The following DNTTIP2 variants were observed in gnomAD, a reference collection of about 807,000 sequenced individuals.
DNTTIP2 encodes the protein deoxynucleotidyltransferase terminal interacting protein 2.
DNTTIP2 carries 47 observed loss-of-function variants against 62.4 expected under a neutral mutation model. The ratio of observed to expected loss-of-function variants is 0.75; its 90% CI spans 0.60 to 0.96. The LOEUF (loss-of-function observed/expected upper bound fraction) is 0.96, where lower values mean the gene tolerates loss of function less well. Among genes scored for constraint, DNTTIP2 ranks in the 40% least tolerant of loss-of-function variants. DNTTIP2 has a pLI of 0.00. For missense variants in DNTTIP2, 870 were observed against 849.1 expected (o/e 1.02, Z -0.31); for synonymous variants, 322 against 300.9 (o/e 1.07, Z -0.73).
Position 93,877,673 on chromosome 1 carries a change from A to G in DNTTIP2, c.262T>C (p.Ser88Pro), listed in dbSNP as rs1333421108. ...GTEPSTDGET[S>P]EAESNYSVSE... is the part of the protein sequence containing the mutation. ...ACAGAATAATTTGACTCTGCCTCAGAGGTTTCTCCATCCGTAGATGGTTCA... is the reference window on the plus strand; with the variant it reads ...ACAGAATAATTTGACTCTGCCTCAGGGGTTTCTCCATCCGTAGATGGTTCA... Residue 88 changes from serine to proline, a missense_variant, in exon 2 of 7, where the codon TCT becomes CCT. Physicochemically the swap from Ser to Pro is moderately conservative, Grantham distance 74. Transcript: ENST00000436063. 1 of 1,613,818 alleles carries G rather than the reference A, an allele frequency of 6.2e-7. No homozygotes were observed. The highest frequency in any genetic ancestry group is 1.7e-5 in the Admixed American group (1 of 59,992).
intron 3 of DNTTIP2, among the ~76,000 whole-genome samples, chr1:93,874,489 C>T (rs1487621816): frequency 6.6e-6 from 1 of 152,122 alleles, no homozygotes; most frequent in Non-Finnish European, 1.5e-5. Flanking sequence ...GTAAAATATT[C>T]CCCAAGGGCA....
At chr1:93,878,283 G>A (rs1440448957) in intron 1 of DNTTIP2, among the ~76,000 whole-genome samples, 3 of 152,094 alleles carry the variant, frequency 2.0e-5, no homozygotes, top group Non-Finnish European at 4.4e-5. Flanking sequence ...TAGCCTGGGC[G>A]ACAGAGCAAG....
intron 3 of DNTTIP2, 187 bp from the exon 4 acceptor site, chr1:93,873,401 G>T (rs1571183522): frequency 4.7e-6 from 2 of 425,104 alleles, no homozygotes; most frequent in Non-Finnish European, 8.4e-6. Context: ...AGACCACCTT[G>T]GTCAACATAG....
intron 4 of DNTTIP2, among the ~76,000 whole-genome samples, chr1:93,872,471 C>G (rs1054385400): frequency 2.0e-5 from 3 of 152,188 alleles, no homozygotes; most frequent in Non-Finnish European, 2.9e-5. Context: ...TCCGTAAAAT[C>G]TATTTTCTGT....
At chr1:93,870,460 C>T (rs1334437679) in intron 6 of DNTTIP2, among the ~76,000 whole-genome samples, 3 of 151,934 alleles carry the variant, frequency 2.0e-5, no homozygotes, top group African/African-American at 7.2e-5. Flanking sequence ...CCAGGGGCTA[C>T]GTGATGTATG....
Position 93,878,033 on chromosome 1 carries a change from G to A in DNTTIP2, c.73-171C>T, listed in dbSNP as rs540090882. The A allele has an allele frequency of 4.3e-4, 454 of 1,052,270 alleles. 1 individual carries two copies. In the African/African-American group the frequency reaches 6.8e-3, roughly 16 times the overall value. 65.2% of individuals were successfully genotyped at this position (1,052,270 alleles called of 1,614,324 possible). Reference sequence around the variant, plus strand: ...TTAAAAAATCAAAATTTGGCCGGGCGCGGTGGCTTACGGCTGTAATCCCAG... The same window carrying A: ...TTAAAAAATCAAAATTTGGCCGGGCACGGTGGCTTACGGCTGTAATCCCAG... On this transcript the variant is annotated intron_variant, in intron 1 of 6. Transcript: ENST00000436063.
At position 93,869,732 on chromosome 1, in the gene DNTTIP2, C is replaced by A. The variant is rs1316128043; in HGVS notation, c.*119G>T. 1.6e-6 allele frequency: 1 copy of A among 607,968 alleles called. No homozygotes were observed. The highest frequency in any genetic ancestry group is 3.0e-6 in the Non-Finnish European group (1 of 332,514). 37.7% of individuals were successfully genotyped at this position (607,968 alleles called of 1,614,324 possible). ...AATCAACTTTTTCCAAATACAAATT[C>A]CTGTATGAACAGGGCCAGTCTATGG... On this transcript the variant is annotated 3_prime_UTR_variant, in exon 7 of 7. Transcript: ENST00000436063.
chr1:93,868,647 C>T lies in DNTTIP2; in HGVS notation c.*1204G>A, dbSNP rs983335834. The T allele has an allele frequency of 2.0e-5, 3 of 152,196 alleles. No individual in the cohort carries two copies. The highest frequency in any genetic ancestry group is 7.2e-5 in the African/African-American group (3 of 41,438). 9.4% of individuals were successfully genotyped at this position (152,196 alleles called of 1,614,324 possible). A position where few individuals can be genotyped will look rare whatever the true frequency, so the allele number is the denominator to read the frequency against. ...ATAAAGAAAATGTGGCACATATACA[C>T]CATGGAATACTATGTGGCCATAAAA... is the stretch of plus-strand genomic sequence containing the variant. On this transcript the variant is annotated 3_prime_UTR_variant, in exon 7 of 7. Coordinates refer to ENST00000436063, the MANE Select transcript of DNTTIP2 (RefSeq NM_014597.5).
At chr1:93,873,261 TAA>T (rs763708620) in intron 3 of DNTTIP2, 47 bp from the exon 4 acceptor site, 9 of 1,446,886 alleles carry the variant, frequency 6.2e-6, no homozygotes, top group Non-Finnish European at 7.7e-6. Flanking sequence ...GAATGTTATA[TAA>T]GTTTTTCAAC....
chr1:93,877,807 G>A lies in DNTTIP2; in HGVS notation c.128C>T (p.Ala43Val), dbSNP rs1338854353. ...GGTCTGTGATTCAGCAGTAGTTCGG[G>A]CATCAGATCCAGTACTACTTTCTGG... ...AHPESSTGSD[A>V]RTTAESQTTG... Residue 43 changes from alanine (A) to valine (V), a missense_variant, in exon 2 of 7, where the codon GCC becomes GTC. Coordinates refer to ENST00000436063, the MANE Select transcript of DNTTIP2 (RefSeq NM_014597.5). The A allele has an allele frequency of 6.2e-7, 1 of 1,606,780 alleles. No individual in the cohort carries two copies.
intron 3 of DNTTIP2, among the ~76,000 whole-genome samples, chr1:93,874,073 G>T (rs1463790579): frequency 6.6e-6 from 1 of 152,188 alleles, no homozygotes; most frequent in East Asian, 1.9e-4. Flanking sequence ...TGTGGTATAG[G>T]TAGCCGTCTA....
rs1655808381 is a variant in DNTTIP2, at chr1:93,869,687, G to A, written c.*164C>T. The A allele has an allele frequency of 1.7e-6, 1 of 572,392 alleles. No homozygotes were observed. The highest frequency in any genetic ancestry group is 3.2e-6 in the Non-Finnish European group (1 of 312,908). 35.5% of individuals were successfully genotyped at this position (572,392 alleles called of 1,614,324 possible). On this transcript the variant is annotated 3_prime_UTR_variant, in exon 7 of 7. Transcript: ENST00000436063. ...TCTTTTAGACACCCCTATTTTCTAA[G>A]GGCATGTAATCGATTCTCAAATCAA...
rs1655753781 is a variant in DNTTIP2, at chr1:93,867,646, C to A, written c.*2205G>T. On this transcript the variant is annotated 3_prime_UTR_variant, in exon 7 of 7. Transcript: ENST00000436063. Reference sequence around the variant, plus strand: ...GTGACACAGGCCAAAGTCAGTAAAACCTGTTTCTCAAAAGACTTGCTTATT... The same window carrying A: ...GTGACACAGGCCAAAGTCAGTAAAAACTGTTTCTCAAAAGACTTGCTTATT... 6.6e-6 allele frequency: 1 copy of A among 150,660 alleles called. No homozygotes were observed. Among genetic ancestry groups the A allele is most frequent in the Non-Finnish European group, 1.5e-5 (1 of 67,826 alleles). 9.3% of individuals were successfully genotyped at this position (150,660 alleles called of 1,614,324 possible).
chr1:93,878,415 T>C (rs1656072058), intron 1 of DNTTIP2: 1 of 154,912 alleles, frequency 6.5e-6, no homozygotes, highest in African/African-American at 2.4e-5. Flanking sequence ...GATTAAAATT[T>C]TTCTGTTTAA....
chr1:93,870,434 A>G (rs1655829614), intron 6 of DNTTIP2, among the ~76,000 whole-genome samples: 1 of 152,102 alleles, frequency 6.6e-6, no homozygotes, highest in Non-Finnish European at 1.5e-5. Context: ...TCGTTCTCTC[A>G]TGAGTGTAGT....
rs1655723017 is a variant in DNTTIP2, at chr1:93,866,284, T to A, written c.*3567A>T. 6.6e-6 allele frequency: 1 copy of A among 152,256 alleles called. No individual in the cohort carries two copies. The highest frequency in any genetic ancestry group is 2.4e-5 in the African/African-American group (1 of 41,474). The allele number at this position is 152,256 out of a possible 1,614,324, so 9.4% of individuals were successfully genotyped here. ...TTCAAAAACTATGTGACAATGAGAA[T>A]AATTGCACTTTACATTTTAATTAGA... On this transcript the variant is annotated 3_prime_UTR_variant, in exon 7 of 7. Coordinates refer to ENST00000436063, the MANE Select transcript of DNTTIP2 (RefSeq NM_014597.5).
Position 93,875,683 on chromosome 1 carries a change from T to C in DNTTIP2, c.1768A>G (p.Arg590Gly), listed in dbSNP as rs927821888. 1 of 1,613,340 alleles carries C rather than the reference T, an allele frequency of 6.2e-7. No individual in the cohort carries two copies. ...FNADKLQSNK[R>G]TLTQIKEKKK... ...TTCTCCTTGATCTGTGTTAGGGTTC[T>C]CTTGTTAGACTGTAGTTTATCTGCA... Residue 590 changes from arginine (R) to glycine (G), a missense_variant, in exon 3 of 7, where the codon AGA (arginine) becomes GGA (glycine). By Grantham distance (125) the Arg-to-Gly change is moderately radical. Coordinates refer to ENST00000436063, the MANE Select transcript of DNTTIP2 (RefSeq NM_014597.5).
chr1:93,870,396 A>G (rs1655828642), intron 6 of DNTTIP2, among the ~76,000 whole-genome samples: 1 of 152,176 alleles, frequency 6.6e-6, no homozygotes, highest in Non-Finnish European at 1.5e-5. Flanking sequence ...TCTCAAGAAT[A>G]CTAAGGCATT....
At chr1:93,871,238 T>C (rs1229006617) in intron 5 of DNTTIP2, among the ~76,000 whole-genome samples, 1 of 152,234 alleles carries the variant, frequency 6.6e-6, no homozygotes, top group Non-Finnish European at 1.5e-5. Flanking sequence ...CAGTGATCAC[T>C]ATGCACCAGG....
Sources: gnomAD v4.1 joint callset for allele counts (sites outside exome capture counted in the v4.1 genomes callset) on GRCh38, gnomAD v4.1.1 for gene constraint, MANE v1.5 for transcripts, NCBI Gene and HGNC (gene_info 2026-07-23, HGNC 2026-07-21) for gene names.